Variants in TBC1D1 observed in about 807,000 individuals in gnomAD.
The protein encoded by TBC1D1 is TBC1 domain family member 1.
A neutral mutation model predicts 125.6 loss-of-function variants in TBC1D1; 89 were observed. The ratio of observed to expected loss-of-function variants is 0.71; its 90% CI spans 0.60 to 0.85. The LOEUF is 0.85. TBC1D1 is among the 40% of genes least tolerant of loss of function. The pLI is 0.00. For synonymous variants in TBC1D1, 565 were observed against 564.1 expected (o/e 1.00, Z -0.02); for missense variants, 1,377 against 1,469.2 (o/e 0.94, Z 1.03).
At chr4:38,058,464 A>G (rs12649018) in intron 12 of TBC1D1, among the ~76,000 whole-genome samples, 19,930 of 152,294 alleles carry the variant, frequency 0.13, 1,733 homozygotes, top group East Asian at 0.35. Context: ...CGGCTGAGCC[A>G]TGGGCAGCTG....
intron 2 of TBC1D1, among the ~76,000 whole-genome samples, chr4:37,913,031 G>T (rs1718941726): frequency 6.6e-6 from 1 of 152,156 alleles, no homozygotes; most frequent in African/African-American, 2.4e-5. Flanking sequence ...TAGGAGGCTA[G>T]CACAGTAGTC....
intron 12 of TBC1D1, among the ~76,000 whole-genome samples, chr4:38,078,639 C>T (rs542601897): frequency 6.6e-6 from 1 of 152,190 alleles, no homozygotes; most frequent in African/African-American, 2.4e-5. Flanking sequence ...TGTGAGGATA[C>T]AGCAAGAAGG....
intron 2 of TBC1D1, among the ~76,000 whole-genome samples, chr4:37,929,483 C>G (rs1041397439): frequency 1.3e-4 from 20 of 152,166 alleles, no homozygotes; most frequent in Non-Finnish European, 1.5e-5. Context: ...ACCCCTGGCA[C>G]CTATATTGTT....
chr4:37,918,450 CTT>C (rs776753435), intron 2 of TBC1D1, among the ~76,000 whole-genome samples: 19 of 142,010 alleles, frequency 1.3e-4, no homozygotes, highest in African/African-American at 1.3e-4. Flanking sequence ...GCATTTTCCT[CTT>C]TTTTTTTTTT....
At chr4:38,017,793 G>A (rs766249467) in intron 3 of TBC1D1, among the ~76,000 whole-genome samples, 3 of 152,160 alleles carry the variant, frequency 2.0e-5, no homozygotes, top group Non-Finnish European at 4.4e-5. Flanking sequence ...AGGGGCGTGT[G>A]CACACAGAGT....
At chr4:37,969,005 C>T (rs1235300260) in intron 2 of TBC1D1, among the ~76,000 whole-genome samples, 1 of 152,168 alleles carries the variant, frequency 6.6e-6, no homozygotes, top group Admixed American at 6.5e-5. Flanking sequence ...ACAATTGGAG[C>T]ACAGTCTTGC....
At chr4:38,135,854 A>ATG (rs1461068184) in intron 19 of TBC1D1, among the ~76,000 whole-genome samples, 9 of 69,126 alleles carry the variant, frequency 1.3e-4, no homozygotes, top group East Asian at 7.3e-4. Flanking sequence ...ATATATATAT[A>ATG]TGTGTGTGTG....
Position 38,133,101 on chromosome 4 carries a change from C to T in TBC1D1, c.3150C>T (p.Ile1050=), listed in dbSNP as rs185429602. 126 of 1,613,096 alleles carry T rather than the reference C, an allele frequency of 7.8e-5. 2 individuals carry two copies. The South Asian group carries it at 1.1e-3, about 14-fold the overall frequency. Residue 1050 remains isoleucine, a synonymous_variant, in exon 19 of 20, where the codon ATC becomes ATT. Coordinates refer to ENST00000261439, the MANE Select transcript of TBC1D1 (RefSeq NM_015173.4). ...TATAACAGGTATTTGAAATGGACAT[C>T]GCTAAACAGTTACAAGCTTATGAAG... is the stretch of plus-strand genomic sequence containing the variant.
intron 18 of TBC1D1, among the ~76,000 whole-genome samples, chr4:38,131,616 A>G (rs77243839): frequency 0.013 from 1,982 of 152,336 alleles, 37 homozygotes; most frequent in East Asian, 0.082. Context: ...GTGGGAGGCC[A>G]GGAACTGTGG....
At chr4:38,053,364 T>C in intron 11 of TBC1D1, 139 bp downstream of exon 13, 1 of 792,916 alleles carries the variant, frequency 1.3e-6, no homozygotes, top group Non-Finnish European at 1.7e-6. Flanking sequence ...TTTCTTATAC[T>C]TTTTTCTTAC....
At chr4:37,966,559 A>G (rs1210571049) in intron 2 of TBC1D1, among the ~76,000 whole-genome samples, 1 of 152,256 alleles carries the variant, frequency 6.6e-6, no homozygotes, top group African/African-American at 2.4e-5. Flanking sequence ...AGCTACGCAT[A>G]GAGACTAAGA....
chr4:37,936,097 T>C (rs1724326405), intron 2 of TBC1D1, among the ~76,000 whole-genome samples: 1 of 152,132 alleles, frequency 6.6e-6, no homozygotes, highest in African/African-American at 2.4e-5. Context: ...AGATCACCGC[T>C]TAGACGTGCA....
intron 9 of TBC1D1, among the ~76,000 whole-genome samples, chr4:38,045,415 T>G (rs1749222014): frequency 6.6e-6 from 1 of 151,982 alleles, no homozygotes; most frequent in Admixed American, 6.6e-5. Context: ...AAAACCAGAG[T>G]TGGGAGGGGC....
At position 38,123,546 on chromosome 4, in the gene TBC1D1, A is replaced by G. The variant is rs115704404; in HGVS notation, c.2963-1416A>G. Among the ~76,000 whole-genome samples, 182 of 152,352 alleles carry G rather than the reference A, an allele frequency of 1.2e-3. 1 individual carries two copies. The highest frequency in any genetic ancestry group is 4.1e-3 in the African/African-American group (171 of 41,580). Reference sequence around the variant, plus strand: ...ACCCTGAAAAGCTCTGATTTCAAAGACACAGTTAGTTCTCTAGTATATCTT... The same window carrying G: ...ACCCTGAAAAGCTCTGATTTCAAAGGCACAGTTAGTTCTCTAGTATATCTT... On this transcript the variant is annotated intron_variant, in intron 17 of 19. Transcript: ENST00000261439.
intron 4 of TBC1D1, among the ~76,000 whole-genome samples, chr4:38,019,690 G>C (rs1743584837): frequency 6.6e-6 from 1 of 152,116 alleles, no homozygotes. Context: ...CGTTTTATCT[G>C]TATTAAGGTG....
At chr4:37,974,578 G>A (rs1354994045) in intron 2 of TBC1D1, among the ~76,000 whole-genome samples, 1 of 150,618 alleles carries the variant, frequency 6.6e-6, no homozygotes, top group Non-Finnish European at 1.5e-5. Flanking sequence ...TTTTTTTTGA[G>A]ACAGAGTCTC....
intron 2 of TBC1D1, among the ~76,000 whole-genome samples, chr4:37,909,658 T>C (rs905105939): frequency 1.6e-4 from 24 of 152,352 alleles, no homozygotes; most frequent in African/African-American, 5.3e-4. Flanking sequence ...TTCCCCCTTC[T>C]ACATTTGGTC....
At chr4:38,019,422 A>C (rs1453066818) in intron 4 of TBC1D1, among the ~76,000 whole-genome samples, 1 of 152,216 alleles carries the variant, frequency 6.6e-6, no homozygotes, top group Admixed American at 6.5e-5. Context: ...ATGGCAAAGC[A>C]TGTTAATGAT....
chr4:37,910,392 A>G (rs1363491057), intron 2 of TBC1D1, among the ~76,000 whole-genome samples: 1 of 152,208 alleles, frequency 6.6e-6, no homozygotes, highest in East Asian at 1.9e-4. Context: ...GATTTTAAAG[A>G]CTTCATTTGA....
Sources: gnomAD v4.1 joint callset for allele counts (sites outside exome capture counted in the v4.1 genomes callset) on GRCh38, gnomAD v4.1.1 for gene constraint, MANE v1.5 for transcripts, NCBI Gene and HGNC (gene_info 2026-07-23, HGNC 2026-07-21) for gene names.